EDIL3: variants seen among roughly 807,000 people sequenced by gnomAD.
EDIL3 encodes the protein EGF like and discoidin domains 3.
In EDIL3, 37 loss-of-function variants were observed where a neutral mutation model predicts 67.4. That is an observed-to-expected ratio of 0.55 (90% confidence interval 0.42 to 0.72). The LOEUF is 0.72. Ranked by LOEUF, EDIL3 falls within the 30% of genes least tolerant of loss-of-function variation. The pLI is 0.00. For missense variants in EDIL3, 527 were observed against 586.3 expected (o/e 0.90, Z 1.04); for synonymous variants, 195 against 196.3 (o/e 0.99, Z 0.05).
chr5:84,283,625 G>T (rs549956872), intron 1 of EDIL3, among the ~76,000 whole-genome samples: 1 of 152,184 alleles, frequency 6.6e-6, no homozygotes, highest in African/African-American at 2.4e-5. Flanking sequence ...TATTGAACAC[G>T]ACTACTTATA....
intron 1 of EDIL3, among the ~76,000 whole-genome samples, chr5:84,354,656 C>A (rs376420442): frequency 1.2e-3 from 167 of 140,080 alleles, no homozygotes; most frequent in South Asian, 1.6e-3. Context: ...GACTCCATCT[C>A]AAAAAAAAAA....
intron 3 of EDIL3, among the ~76,000 whole-genome samples, chr5:84,200,590 AAC>A (rs1379689044): frequency 2.0e-5 from 3 of 152,042 alleles, no homozygotes; most frequent in African/African-American, 7.2e-5. Flanking sequence ...TATTTTATAT[AAC>A]ACATCCAAAT....
intron 1 of EDIL3, among the ~76,000 whole-genome samples, chr5:84,299,710 T>C (rs1406986895): frequency 6.6e-6 from 1 of 152,238 alleles, no homozygotes; most frequent in Non-Finnish European, 1.5e-5. Context: ...GAGTTAGTAA[T>C]TGCCTTTGTT....
chr5:84,162,979 CT>C (rs1748641543), intron 4 of EDIL3, among the ~76,000 whole-genome samples: 2 of 151,998 alleles, frequency 1.3e-5, no homozygotes, highest in Non-Finnish European at 2.9e-5. Context: ...CCTTTTCTTC[CT>C]TTTTCAGTAA....
At chr5:84,045,663 G>C (rs1359564095) in intron 9 of EDIL3, among the ~76,000 whole-genome samples, 1 of 152,148 alleles carries the variant, frequency 6.6e-6, no homozygotes, top group Non-Finnish European at 1.5e-5. Context: ...AAAAGGCTTT[G>C]TCTAGGTCCA....
chr5:83,954,329 C>A (rs928723121), intron 10 of EDIL3, among the ~76,000 whole-genome samples: 1 of 151,572 alleles, frequency 6.6e-6, no homozygotes, highest in Non-Finnish European at 1.5e-5. Flanking sequence ...TGTCAAAATG[C>A]GATCCTCAAT....
At chr5:84,298,924 T>A (rs1316042659) in intron 1 of EDIL3, among the ~76,000 whole-genome samples, 1 of 152,176 alleles carries the variant, frequency 6.6e-6, no homozygotes. Context: ...TGCTTCTTCA[T>A]CCTCTACTAC....
intron 1 of EDIL3, among the ~76,000 whole-genome samples, chr5:84,317,294 A>T (rs1357585206): frequency 6.6e-6 from 1 of 152,142 alleles, no homozygotes. Context: ...GACACAAAAA[A>T]CCCTTCAACA....
intron 6 of EDIL3, among the ~76,000 whole-genome samples, chr5:84,086,858 G>C (rs776602128): frequency 1.3e-5 from 2 of 152,094 alleles, no homozygotes; most frequent in Non-Finnish European, 2.9e-5. Flanking sequence ...CCTCTGTCTC[G>C]TTACCCAGTG....
At chr5:84,202,244 A>G (rs1743858761) in intron 3 of EDIL3, among the ~76,000 whole-genome samples, 1 of 152,116 alleles carries the variant, frequency 6.6e-6, no homozygotes, top group Non-Finnish European at 1.5e-5. Context: ...AACTGCTGAG[A>G]TGTAGCCTTG....
At chr5:84,139,858 G>A (rs1748159035) in intron 4 of EDIL3, among the ~76,000 whole-genome samples, 1 of 152,156 alleles carries the variant, frequency 6.6e-6, no homozygotes, top group Non-Finnish European at 1.5e-5. Flanking sequence ...CAAGCAGGGA[G>A]CCAGAATGAA....
At chr5:84,074,551 C>G (rs1171135562) in intron 6 of EDIL3, among the ~76,000 whole-genome samples, 1 of 152,014 alleles carries the variant, frequency 6.6e-6, no homozygotes, top group Non-Finnish European at 1.5e-5. Flanking sequence ...CATGAACAGA[C>G]ACTTCTCAAA....
chr5:84,050,501 G>A (rs1257837467), intron 9 of EDIL3, among the ~76,000 whole-genome samples: 2 of 152,206 alleles, frequency 1.3e-5, no homozygotes, highest in African/African-American at 2.4e-5. Context: ...AGCGTGAGCT[G>A]AAGCAGGGCG....
Position 84,037,988 on chromosome 5 carries a change from GTTTTTTTTTT to G in EDIL3, c.1137+22302_1137+22311del, listed in dbSNP as rs67762520. Among the ~76,000 whole-genome samples, 279 of 99,704 alleles carry G rather than the reference GTTTTTTTTTT, an allele frequency of 2.8e-3. 3 individuals are homozygous for G. Among genetic ancestry groups the G allele is most frequent in the African/African-American group, 0.012 (272 of 22,206 alleles). The allele number at this position is 99,704 out of a possible 152,430, so 65.4% of individuals were successfully genotyped here. On this transcript the variant is annotated intron_variant, in intron 9 of 10. Coordinates refer to ENST00000296591, the MANE Select transcript of EDIL3 (RefSeq NM_005711.5). ...TTCTCTTTTCTTTTCTTTCTTTCTTGTTTTTTTTTTTTTTTTTTTTTTTGAGACAGGGTCT... is the reference window on the plus strand; with the variant it reads ...TTCTCTTTTCTTTTCTTTCTTTCTTGTTTTTTTTTTTTTGAGACAGGGTCT...
chr5:84,264,310 C>T (rs1033105771), intron 1 of EDIL3, among the ~76,000 whole-genome samples: 3 of 152,060 alleles, frequency 2.0e-5, no homozygotes, highest in East Asian at 1.9e-4. Flanking sequence ...TAGGCTGCTG[C>T]GAATGTGATA....
At chr5:84,260,889 A>T (rs562817664) in intron 1 of EDIL3, among the ~76,000 whole-genome samples, 69 of 152,332 alleles carry the variant, frequency 4.5e-4, no homozygotes, top group African/African-American at 1.6e-3. Flanking sequence ...AGACATTATT[A>T]AATTTCTTCA....
intron 1 of EDIL3, among the ~76,000 whole-genome samples, chr5:84,297,858 A>C (rs2112126507): frequency 6.6e-6 from 1 of 152,290 alleles, no homozygotes; most frequent in East Asian, 1.9e-4. Context: ...GGAGCCAGCA[A>C]GTCTAGACAC....
intron 2 of EDIL3, among the ~76,000 whole-genome samples, chr5:84,245,047 A>G (rs1744878738): frequency 6.6e-6 from 1 of 152,156 alleles, no homozygotes; most frequent in Non-Finnish European, 1.5e-5. Flanking sequence ...ATGCTCTAAA[A>G]CATGATTTAA....
chr5:84,073,948 T>C (rs1167914393), intron 6 of EDIL3, among the ~76,000 whole-genome samples: 1 of 151,502 alleles, frequency 6.6e-6, no homozygotes, highest in African/African-American at 2.4e-5. Flanking sequence ...CTTCAAACTA[T>C]ACTACAAGGC....
Sources: allele counts gnomAD v4.1 joint callset (sites outside exome capture counted in the v4.1 genomes callset), GRCh38; gene constraint gnomAD v4.1.1; transcripts MANE v1.5; gene names NCBI Gene and HGNC (gene_info 2026-07-23, HGNC 2026-07-21).